HS6ST2: variants seen among roughly 807,000 people sequenced by gnomAD.
HS6ST2 encodes the protein heparan sulfate 6-O-sulfotransferase 2, also known as heparan-sulfate 6-O-sulfotransferase 2.
HS6ST2 carries 17 observed loss-of-function variants against 33.0 expected under a neutral mutation model. That is an observed-to-expected ratio of 0.52 (90% CI 0.35 to 0.77). HS6ST2 has a LOEUF of 0.77. Ranked by LOEUF, HS6ST2 falls within the 30% of genes least tolerant of loss-of-function variation. The pLI, the probability that HS6ST2 is intolerant of heterozygous loss-of-function variation, is 0.01. For synonymous variants in HS6ST2, 248 were observed against 237.1 expected (o/e 1.05, Z -0.42); for missense variants, 519 against 551.7 (o/e 0.94, Z 0.59).
chrX:132,663,724 A>T (rs112351805), intron 4 of HS6ST2, among the ~76,000 whole-genome samples: 3,378 of 112,032 alleles, frequency 0.03, 49 homozygotes, highest in Non-Finnish European at 0.046. Flanking sequence ...TGCTATCTTC[A>T]TGCAACATAC....
intron 2 of HS6ST2, among the ~76,000 whole-genome samples, chrX:132,919,717 T>A (rs1180237726): frequency 8.9e-6 from 1 of 111,995 alleles, no homozygotes; most frequent in Non-Finnish European, 1.9e-5. Flanking sequence ...TCAGAAGAAC[T>A]GGACACTCAG....
At chrX:132,757,218 A>G (rs942778897) in intron 2 of HS6ST2, among the ~76,000 whole-genome samples, 12 of 112,029 alleles carry the variant, frequency 1.1e-4, no homozygotes, top group Middle Eastern at 4.6e-3. Flanking sequence ...GCTGAGGCTG[A>G]AGGAGGAAGA....
At chrX:132,632,269 A>T (rs926792700) in intron 4 of HS6ST2, among the ~76,000 whole-genome samples, 4 of 111,325 alleles carry the variant, frequency 3.6e-5, no homozygotes, top group Non-Finnish European at 7.5e-5. Flanking sequence ...CTCAACTGAA[A>T]GCACTTGATG....
intron 2 of HS6ST2, among the ~76,000 whole-genome samples, chrX:132,828,249 G>A (rs1341575184): frequency 9.1e-6 from 1 of 110,423 alleles, no homozygotes; most frequent in African/African-American, 3.3e-5. Context: ...CACCTTCATT[G>A]TCACCCCCTA....
intron 3 of HS6ST2, among the ~76,000 whole-genome samples, chrX:132,692,826 C>G (rs556163520): frequency 8.9e-6 from 1 of 112,212 alleles, no homozygotes; most frequent in East Asian, 2.8e-4. Context: ...CTGTACCTTT[C>G]TCACTATTTC....
chrX:132,707,392 C>T, intron 3 of HS6ST2, among the ~76,000 whole-genome samples: 1 of 112,497 alleles, frequency 8.9e-6, no homozygotes, highest in South Asian at 3.7e-4. Context: ...AATCTGACTA[C>T]AAAATTAAAC....
At chrX:132,811,662 G>C (rs1263372331) in intron 2 of HS6ST2, among the ~76,000 whole-genome samples, 2 of 48,405 alleles carry the variant, frequency 4.1e-5, no homozygotes, top group Non-Finnish European at 6.6e-5. Flanking sequence ...AGCTGTGTCA[G>C]AACTTTGTTT....
chrX:132,765,681 G>T (rs1479074257), intron 2 of HS6ST2, among the ~76,000 whole-genome samples: 1 of 111,049 alleles, frequency 9.0e-6, no homozygotes, highest in Admixed American at 9.6e-5. Context: ...CAACTCCTGG[G>T]CTCAAGCAAT....
rs762325690 is a variant in HS6ST2, at chrX:132,793,939, T to C, written c.948-85445A>G. On this transcript the variant is annotated intron_variant, in intron 2 of 4. Transcript: ENST00000370833. The stretch of plus-strand genomic sequence containing the variant: ...CCCGTTTTGCCGGATTCTAGTAAAA[T>C]AGATATTCCGTGCCACGTTTCACCA... Among the ~76,000 whole-genome samples the C allele has an allele frequency of 2.7e-5, 3 of 112,503 alleles. No homozygotes were observed. The East Asian group carries it at 8.4e-4, about 32-fold the overall frequency.
intron 2 of HS6ST2, among the ~76,000 whole-genome samples, chrX:132,849,448 G>A (rs2065781938): frequency 9.0e-6 from 1 of 111,554 alleles, no homozygotes; most frequent in Non-Finnish European, 1.9e-5. Flanking sequence ...TAGATCACAG[G>A]GGTTACACTA....
intron 2 of HS6ST2, among the ~76,000 whole-genome samples, chrX:132,952,894 C>G (rs941085331): frequency 9.0e-6 from 1 of 111,002 alleles, no homozygotes; most frequent in Non-Finnish European, 1.9e-5. Context: ...GGTGTGGTAC[C>G]CCCGGCCCAA....
At chrX:132,643,602 A>G (rs902956524) in intron 4 of HS6ST2, among the ~76,000 whole-genome samples, 2 of 111,823 alleles carry the variant, frequency 1.8e-5, no homozygotes, top group Non-Finnish European at 3.8e-5. Flanking sequence ...GGACTCATCC[A>G]GGGTCATTTG....
At chrX:132,922,648 G>A (rs753136961) in intron 2 of HS6ST2, among the ~76,000 whole-genome samples, 4 of 112,085 alleles carry the variant, frequency 3.6e-5, no homozygotes, top group South Asian at 7.5e-4. Context: ...CAAGGTGGTC[G>A]CGGTGCAGCT....
chrX:132,901,388 A>G (rs1444637551), intron 2 of HS6ST2, among the ~76,000 whole-genome samples: 1 of 111,963 alleles, frequency 8.9e-6, no homozygotes, highest in Non-Finnish European at 1.9e-5. Context: ...GTCCTGGAAT[A>G]AACACCAGGA....
intron 3 of HS6ST2, among the ~76,000 whole-genome samples, chrX:132,694,196 T>C (rs948954582): frequency 2.7e-5 from 3 of 111,306 alleles, no homozygotes; most frequent in Non-Finnish European, 5.7e-5. Context: ...TCAAAAACAA[T>C]GTGGCTCCTC....
At chrX:132,713,893 C>G (rs1240949723) in intron 2 of HS6ST2, among the ~76,000 whole-genome samples, 1 of 110,819 alleles carries the variant, frequency 9.0e-6, no homozygotes, top group Non-Finnish European at 1.9e-5. Context: ...AAGAGCATCT[C>G]AAGACTTCAG....
intron 2 of HS6ST2, among the ~76,000 whole-genome samples, chrX:132,768,349 A>C (rs900344257): frequency 9.2e-6 from 1 of 108,258 alleles, no homozygotes; most frequent in African/African-American, 3.4e-5. Flanking sequence ...AAAAAAAAAA[A>C]AAAAAACTCA....
At chrX:132,793,048 CTTTTTTTTTTTT>C (rs755535720) in intron 2 of HS6ST2, among the ~76,000 whole-genome samples, 15 of 53,241 alleles carry the variant, frequency 2.8e-4, no homozygotes, top group Non-Finnish European at 3.8e-4. Context: ...AAATAAACTC[CTTTTTTTTTTTT>C]TTTTTTTTTT....
intron 2 of HS6ST2, among the ~76,000 whole-genome samples, chrX:132,793,945 T>G (rs767796515): frequency 1.8e-5 from 2 of 112,531 alleles, no homozygotes; most frequent in African/African-American, 6.5e-5. Flanking sequence ...AAAATAGATA[T>G]TCCGTGCCAC....
Sources: allele counts gnomAD v4.1 joint callset (sites outside exome capture counted in the v4.1 genomes callset), GRCh38; gene constraint gnomAD v4.1.1; transcripts MANE v1.5; gene names NCBI Gene and HGNC (gene_info 2026-07-23, HGNC 2026-07-21).